Variants in SCML4 observed in about 807,000 individuals in gnomAD.
SCML4 encodes the protein sex comb on midleg-like protein 4.
A neutral mutation model predicts 41.1 loss-of-function variants in SCML4; 34 were observed. That is an observed-to-expected ratio of 0.83 (90% CI 0.63 to 1.10). SCML4 has a LOEUF of 1.10. Among genes scored for constraint, SCML4 ranks in the 50% least tolerant of loss-of-function variants. The pLI is 0.00. For synonymous variants in SCML4, 214 were observed against 220.9 expected (o/e 0.97, Z 0.28); for missense variants, 522 against 534.1 (o/e 0.98, Z 0.22).
intron 6 of SCML4, among the ~76,000 whole-genome samples, chr6:107,717,701 C>T (rs953344974): frequency 4.6e-5 from 7 of 152,146 alleles, no homozygotes; most frequent in African/African-American, 9.7e-5. Flanking sequence ...GCGTGCATCA[C>T]GACACCCAGC....
intron 6 of SCML4, among the ~76,000 whole-genome samples, chr6:107,712,098 A>G (rs1338253045): frequency 6.6e-6 from 1 of 152,142 alleles, no homozygotes; most frequent in African/African-American, 2.4e-5. Context: ...ACACTTATTA[A>G]AGATGATTTC....
the SCML4 span, among the ~76,000 whole-genome samples, chr6:107,843,628 C>T: frequency 1.1e-4 from 17 of 152,182 alleles, no homozygotes; most frequent in African/African-American, 4.1e-4. Flanking sequence ...CTGGCCCTGC[C>T]GGTAACATTT....
chr6:107,835,763 CAAAAAAAAA>C, the SCML4 span, among the ~76,000 whole-genome samples: 434 of 86,348 alleles, frequency 5.0e-3, 1 homozygote, highest in African/African-American at 0.02. Flanking sequence ...GACCCCATCT[CAAAAAAAAA>C]AAAAAAAAAA....
chr6:107,799,409 T>TA (rs1782940752), intron 1 of SCML4, among the ~76,000 whole-genome samples: 1 of 152,186 alleles, frequency 6.6e-6, no homozygotes, highest in Non-Finnish European at 1.5e-5. Context: ...GTTTGCACAG[T>TA]ATCTTTTATT....
chr6:107,835,828 GA>G, the SCML4 span, among the ~76,000 whole-genome samples: 1 of 148,854 alleles, frequency 6.7e-6, no homozygotes, highest in African/African-American at 2.5e-5. Context: ...TAGAAGAACA[GA>G]AGATAGTGTC....
intron 5 of SCML4, among the ~76,000 whole-genome samples, chr6:107,725,477 G>T (rs902959019): frequency 1.3e-5 from 2 of 152,200 alleles, no homozygotes; most frequent in African/African-American, 4.8e-5. Flanking sequence ...TATATGTTCA[G>T]CTGATTTCCA....
the SCML4 span, among the ~76,000 whole-genome samples, chr6:107,832,846 T>C: frequency 6.6e-6 from 1 of 152,184 alleles, no homozygotes; most frequent in Non-Finnish European, 1.5e-5. Flanking sequence ...CCCTCTCAGA[T>C]ACCAATCTTC....
At chr6:107,826,306 AAAG>A (rs2114329160), upstream of SCML4, among the ~76,000 whole-genome samples, 1 of 151,774 alleles carries the variant, frequency 6.6e-6, no homozygotes, top group Non-Finnish European at 1.5e-5. Flanking sequence ...AAGAAAAGAA[AAAG>A]AAGAAAAGAA....
At chr6:107,799,605 A>G (rs751263413) in intron 1 of SCML4, among the ~76,000 whole-genome samples, 2 of 152,090 alleles carry the variant, frequency 1.3e-5, no homozygotes, top group Non-Finnish European at 2.9e-5. Context: ...CCATCTTTCT[A>G]TTTGTTTAGT....
chr6:107,797,937 T>A (rs1049874834), intron 1 of SCML4, among the ~76,000 whole-genome samples: 2 of 152,178 alleles, frequency 1.3e-5, no homozygotes, highest in South Asian at 2.1e-4. Context: ...GGATTTAGAA[T>A]GCTAAACAAG....
chr6:107,821,281 C>G (rs1370598300), intron 1 of SCML4, among the ~76,000 whole-genome samples: 1 of 151,824 alleles, frequency 6.6e-6, no homozygotes, highest in Non-Finnish European at 1.5e-5. Context: ...TGATTTAATC[C>G]CCCTCTTCTC....
rs117814007 is a variant in SCML4 at position 107,737,774 on chromosome 6, G to C, written c.682+7175C>G. Among the ~76,000 whole-genome samples the C allele has an allele frequency of 3.9e-5, 6 of 152,266 alleles. No individual in the cohort carries two copies. The East Asian group carries it at 1.2e-3, about 29-fold the overall frequency. On this transcript the variant is annotated intron_variant, in intron 5 of 7. Coordinates refer to ENST00000369020, the MANE Select transcript of SCML4 (RefSeq NM_198081.5). ...GTGAGCCGGGTGGGAGGGAAGAGGAGAATTACATAATGGGTACAATGTACA... is the reference window on the plus strand; with the variant it reads ...GTGAGCCGGGTGGGAGGGAAGAGGACAATTACATAATGGGTACAATGTACA...
At chr6:107,749,200 A>G (rs1358731211) in intron 3 of SCML4, among the ~76,000 whole-genome samples, 3 of 152,134 alleles carry the variant, frequency 2.0e-5, no homozygotes, top group Non-Finnish European at 2.9e-5. Context: ...TGAAACTGTC[A>G]GTTGGTGGAT....
In SCML4 at chr6:107,707,948, C is replaced by T. The variant is rs924806895; in HGVS notation, c.1037G>A (p.Trp346Ter). The T allele has an allele frequency of 3.9e-6, 6 of 1,551,536 alleles. No individual in the cohort carries two copies. The highest frequency in any genetic ancestry group is 5.2e-6 in the Non-Finnish European group (6 of 1,146,992). Residue 346 changes from tryptophan (W) to a stop codon, truncating the protein, a stop_gained, in exon 7 of 8, where the codon TGG (tryptophan) becomes TAG (stop). Transcript: ENST00000369020. LOFTEE classifies it high-confidence loss of function. ...RRPRSRNPSA[W>*]TVEDVVWFVK... is the part of the protein sequence containing the mutation. Reference sequence around the variant, plus strand: ...AAACCACACCACGTCCTCCACAGTCCAGGCGGAGGGGTTCCTGCTCCGTGG... The same window carrying T: ...AAACCACACCACGTCCTCCACAGTCTAGGCGGAGGGGTTCCTGCTCCGTGG...
chr6:107,837,340 T>C, the SCML4 span, among the ~76,000 whole-genome samples: 3 of 152,238 alleles, frequency 2.0e-5, no homozygotes, highest in African/African-American at 7.2e-5. Context: ...GGTGCATGTC[T>C]TGGTGTGTTT....
intron 1 of SCML4, among the ~76,000 whole-genome samples, chr6:107,806,185 T>A (rs1032042481): frequency 3.4e-4 from 2 of 5,938 alleles, no homozygotes; most frequent in Non-Finnish European, 9.3e-4. Flanking sequence ...AAACAGAGAT[T>A]TCCCCCCCCC....
intron 7 of SCML4, among the ~76,000 whole-genome samples, chr6:107,707,153 T>G (rs1773720032): frequency 6.6e-6 from 1 of 151,782 alleles, no homozygotes; most frequent in African/African-American, 2.4e-5. Flanking sequence ...ATATAAAAAT[T>G]AGCTGGGCGT....
chr6:107,717,682 G>T (rs1774973799), intron 6 of SCML4, among the ~76,000 whole-genome samples: 1 of 152,176 alleles, frequency 6.6e-6, no homozygotes, highest in African/African-American at 2.4e-5. Context: ...CAAGTAGCTG[G>T]TATTACAGGC....
rs200376050 is a variant in SCML4, at chr6:107,794,468, TAAG to T, written c.-59-22085_-59-22083del. Among the ~76,000 whole-genome samples the T allele has an allele frequency of 1.7e-4, 26 of 152,324 alleles. No individual in the cohort carries two copies. In the East Asian group the frequency reaches 4.6e-3, roughly 27 times the overall value. On this transcript the variant is annotated intron_variant, in intron 1 of 7. Transcript: ENST00000369020. ...GTATTAGTCTGGTGGAAAACACTAA[TAAG>T]AAGTAGCCAGTGATTATGTACAGTT...
Sources: allele counts gnomAD v4.1 joint callset (sites outside exome capture counted in the v4.1 genomes callset), GRCh38; gene constraint gnomAD v4.1.1; transcripts MANE v1.5; gene names NCBI Gene and HGNC (gene_info 2026-07-23, HGNC 2026-07-21).